The following ATRNL1 variants were observed in gnomAD, a reference collection of about 807,000 sequenced individuals.
ATRNL1 encodes the protein attractin like 1, also known as attractin-like protein 1.
A neutral mutation model predicts 182.7 loss-of-function variants in ATRNL1; 95 were observed. The ratio of observed to expected loss-of-function variants is 0.52; its 90% confidence interval spans 0.44 to 0.62. ATRNL1 has a LOEUF of 0.62. Among genes scored for constraint, ATRNL1 ranks in the 20% least tolerant of loss-of-function variants. ATRNL1 has a pLI of 0.00. For missense variants in ATRNL1, 1,471 were observed against 1,679.5 expected (o/e 0.88, Z 2.17); for synonymous variants, 576 against 568.3 (o/e 1.01, Z -0.19).
At chr10:115,200,296 A>G (rs1305198804) in intron 8 of ATRNL1, among the ~76,000 whole-genome samples, 1 of 148,982 alleles carries the variant, frequency 6.7e-6, no homozygotes, top group African/African-American at 2.5e-5. Flanking sequence ...TTACATATGT[A>G]TACATGTGCC....
intron 10 of ATRNL1, among the ~76,000 whole-genome samples, chr10:115,250,547 C>T (rs1290268386): frequency 6.6e-6 from 1 of 152,188 alleles, no homozygotes; most frequent in African/African-American, 2.4e-5. Flanking sequence ...AAAGAGCTGG[C>T]AGCCTTTAAT....
At chr10:115,437,601 T>C (rs1846462266) in intron 21 of ATRNL1, among the ~76,000 whole-genome samples, 2 of 152,062 alleles carry the variant, frequency 1.3e-5, no homozygotes, top group African/African-American at 2.4e-5. Context: ...CGTACCATTG[T>C]TTAAATGTTT....
intron 21 of ATRNL1, among the ~76,000 whole-genome samples, chr10:115,444,013 G>T (rs1210353464): frequency 6.6e-6 from 1 of 151,996 alleles, no homozygotes; most frequent in South Asian, 2.1e-4. Context: ...AGTATTTCTA[G>T]ATCAAGCAGA....
chr10:115,466,046 A>G (rs1264352143), intron 22 of ATRNL1, among the ~76,000 whole-genome samples: 1 of 151,492 alleles, frequency 6.6e-6, no homozygotes, highest in Admixed American at 6.6e-5. Context: ...GCCATCACAC[A>G]TCATCCAGCA....
At chr10:115,421,236 A>G (rs1375482519) in intron 20 of ATRNL1, among the ~76,000 whole-genome samples, 4 of 152,156 alleles carry the variant, frequency 2.6e-5, no homozygotes, top group South Asian at 2.1e-4. Context: ...GACAAAGATA[A>G]AAGTATAAAA....
chr10:115,798,866 G>A (rs2134229882), intron 27 of ATRNL1, among the ~76,000 whole-genome samples: 1 of 126,788 alleles, frequency 7.9e-6, no homozygotes, highest in East Asian at 2.3e-4. Flanking sequence ...TCGCTCTGTT[G>A]ACCAAGCTGG....
chr10:115,722,317 A>C (rs1947454436), intron 26 of ATRNL1, among the ~76,000 whole-genome samples: 1 of 152,172 alleles, frequency 6.6e-6, no homozygotes, highest in Admixed American at 6.5e-5. Flanking sequence ...CCACTCCCAT[A>C]ATGACTAACA....
chr10:115,807,105 CTT>C (rs1225755867), intron 27 of ATRNL1, among the ~76,000 whole-genome samples: 6 of 140,056 alleles, frequency 4.3e-5, no homozygotes, highest in Middle Eastern at 3.7e-3. Context: ...TACTCAGGTA[CTT>C]TTTTTTTTTT....
chr10:115,372,955 G>C (rs1210842376), intron 19 of ATRNL1, among the ~76,000 whole-genome samples: 1 of 152,046 alleles, frequency 6.6e-6, no homozygotes, highest in Non-Finnish European at 1.5e-5. Flanking sequence ...AGATCACTTT[G>C]CGTAATATGG....
chr10:115,536,346 C>G (rs1224912639), intron 25 of ATRNL1, among the ~76,000 whole-genome samples: 1 of 152,174 alleles, frequency 6.6e-6, no homozygotes, highest in East Asian at 1.9e-4. Flanking sequence ...TCGCTGTTGC[C>G]TAGCAGTTTG....
chr10:115,808,560 G>A (rs1949974093), intron 27 of ATRNL1, among the ~76,000 whole-genome samples: 1 of 152,144 alleles, frequency 6.6e-6, no homozygotes, highest in African/African-American at 2.4e-5. Flanking sequence ...AGTACTGCTA[G>A]ATTGTATGGC....
chr10:115,904,071 A>T (rs781641531), intron 28 of ATRNL1, among the ~76,000 whole-genome samples: 3 of 152,148 alleles, frequency 2.0e-5, no homozygotes, highest in Middle Eastern at 3.2e-3. Context: ...AGTGTGGGGA[A>T]GGCTAAAGGA....
intron 27 of ATRNL1, among the ~76,000 whole-genome samples, chr10:115,811,368 G>T (rs1950043131): frequency 6.6e-6 from 1 of 151,816 alleles, no homozygotes; most frequent in Admixed American, 6.6e-5. Flanking sequence ...ATTTGTTAAG[G>T]TTTGTTTTAT....
rs539799341 is a variant in ATRNL1, at chr10:115,363,276, G to T, written c.3175+28857G>T. Among the ~76,000 whole-genome samples the T allele has an allele frequency of 3.2e-3, 482 of 152,282 alleles. 2 individuals are homozygous for T. Among genetic ancestry groups the T allele is most frequent in the African/African-American group, 0.011 (464 of 41,542 alleles). ...TTGCATTTCTCTGGTCAGTGATGAT[G>T]AGCATTTTTTCATGTGTCTTTTGGC... On this transcript the variant is annotated intron_variant, in intron 19 of 28. Transcript: ENST00000355044.
intron 26 of ATRNL1, among the ~76,000 whole-genome samples, chr10:115,606,116 A>G (rs143620731): frequency 2.6e-4 from 39 of 152,166 alleles, no homozygotes; most frequent in African/African-American, 8.9e-4. Context: ...ACTGAAATGT[A>G]TTAGGGATGA....
intron 21 of ATRNL1, among the ~76,000 whole-genome samples, chr10:115,449,018 T>C (rs1445417139): frequency 6.6e-6 from 1 of 152,136 alleles, no homozygotes; most frequent in Non-Finnish European, 1.5e-5. Flanking sequence ...TATTCTATGA[T>C]ACTCATATGG....
At chr10:115,903,596 CT>C (rs1187735427) in intron 28 of ATRNL1, among the ~76,000 whole-genome samples, 7 of 152,186 alleles carry the variant, frequency 4.6e-5, no homozygotes, top group African/African-American at 1.7e-4. Flanking sequence ...AGCCAGAGTT[CT>C]TTGTTCAGCT....
chr10:115,473,312 T>A (rs1848390461), intron 24 of ATRNL1, among the ~76,000 whole-genome samples: 1 of 151,318 alleles, frequency 6.6e-6, no homozygotes, highest in African/African-American at 2.4e-5. Flanking sequence ...ATTTTTCTTT[T>A]TTTTCCTTAT....
chr10:115,134,018 C>G (rs1357573574), intron 5 of ATRNL1, among the ~76,000 whole-genome samples: 4 of 151,802 alleles, frequency 2.6e-5, no homozygotes, highest in Admixed American at 6.6e-5. Context: ...GACACACAAT[C>G]TCTGGGACAC....
Sources: gnomAD v4.1 joint callset for allele counts (sites outside exome capture counted in the v4.1 genomes callset) on GRCh38, gnomAD v4.1.1 for gene constraint, MANE v1.5 for transcripts, NCBI Gene and HGNC (gene_info 2026-07-23, HGNC 2026-07-21) for gene names.